The following GABRB2 variants were observed in gnomAD, a reference collection of about 807,000 sequenced individuals.
The protein encoded by GABRB2 is gamma-aminobutyric acid type A receptor subunit beta2, also known as gamma-aminobutyric acid receptor subunit beta-2.
GABRB2 carries 16 observed loss-of-function variants against 54.7 expected under a neutral mutation model. The ratio of observed to expected loss-of-function variants is 0.29; its 90% CI spans 0.20 to 0.44. The LOEUF is 0.44. Ranked by LOEUF, GABRB2 falls within the 20% of genes least tolerant of loss-of-function variation. The pLI, the probability that GABRB2 is intolerant of heterozygous loss-of-function variation, is 1.00. For missense variants in GABRB2, 355 were observed against 644.0 expected, an observed-to-expected ratio of 0.55 and a Z score of 4.86; for synonymous variants, 244 against 233.8, an observed-to-expected ratio of 1.04 and a Z score of -0.40.
In GABRB2 at chr5:161,392,805, G is replaced by T. The variant is rs546330139; in HGVS notation, c.541+18170C>A. Among the ~76,000 whole-genome samples, 3 of 152,248 alleles carry T rather than the reference G, an allele frequency of 2.0e-5. No homozygotes were observed. In the East Asian group the frequency reaches 5.8e-4, roughly 29 times the overall value. On this transcript the variant is annotated intron_variant, in intron 5 of 9. Transcript: ENST00000393959. ...TATAGATAATCATTTTGATTAGTAG[G>T]TGAAATGAAAGCTAAATTAGAGGGT...
At chr5:161,317,632 A>G (rs947241095) in intron 9 of GABRB2, among the ~76,000 whole-genome samples, 2 of 152,182 alleles carry the variant, frequency 1.3e-5, no homozygotes, top group African/African-American at 4.8e-5. Context: ...CAGAAAACAT[A>G]CAGAGTATAA....
chr5:161,449,465 T>G (rs1393304025), intron 4 of GABRB2, among the ~76,000 whole-genome samples: 1 of 152,172 alleles, frequency 6.6e-6, no homozygotes, highest in Non-Finnish European at 1.5e-5. Context: ...ACTCTGTATG[T>G]TTCCCATTTG....
At chr5:161,384,884 T>C (rs963414343) in intron 5 of GABRB2, among the ~76,000 whole-genome samples, 2 of 152,298 alleles carry the variant, frequency 1.3e-5, no homozygotes, top group Non-Finnish European at 2.9e-5. Context: ...TCTGGATGTA[T>C]GGTAGAAATG....
intron 9 of GABRB2, among the ~76,000 whole-genome samples, chr5:161,305,173 C>T (rs569045548): frequency 4.6e-5 from 7 of 151,286 alleles, no homozygotes; most frequent in Non-Finnish European, 7.4e-5. Context: ...CCCGCCACCG[C>T]GCCCGGCTAA....
chr5:161,537,456 C>A (rs890446430), intron 3 of GABRB2, among the ~76,000 whole-genome samples: 1 of 152,168 alleles, frequency 6.6e-6, no homozygotes, highest in Non-Finnish European at 1.5e-5. Context: ...CCACATGCCT[C>A]ATCCCCTTGA....
rs1757250258 is a variant in GABRB2 at position 161,291,959 on chromosome 5, T to C, written c.*2122A>G. On this transcript the variant is annotated 3_prime_UTR_variant, in exon 10 of 10. Coordinates refer to ENST00000393959, the MANE Select transcript of GABRB2 (RefSeq NM_001371727.1). ...CCCAAAATGATTGCCTAGGAGAAAG[T>C]GTGTCCTGGAGAAACATGAGGAATC... 6.6e-6 allele frequency: 1 copy of C among 152,170 alleles called. No homozygotes were observed. Among genetic ancestry groups the C allele is most frequent in the African/African-American group, 2.4e-5 (1 of 41,444 alleles). 9.4% of individuals were successfully genotyped at this position (152,170 alleles called of 1,614,324 possible). A position where few individuals can be genotyped will look rare whatever the true frequency, so the allele number is the denominator to read the frequency against.
intron 3 of GABRB2, among the ~76,000 whole-genome samples, chr5:161,544,108 G>C (rs1451892395): frequency 6.6e-6 from 1 of 152,130 alleles, no homozygotes; most frequent in Non-Finnish European, 1.5e-5. Flanking sequence ...CTGGGAATAT[G>C]GAAATTTATA....
chr5:161,542,898 C>T (rs775158060), intron 3 of GABRB2, among the ~76,000 whole-genome samples: 49 of 152,252 alleles, frequency 3.2e-4, no homozygotes, highest in Admixed American at 9.8e-4. Context: ...ATTTAGACAC[C>T]AGAGATGGAA....
chr5:161,466,253 C>T (rs778488143), intron 3 of GABRB2, among the ~76,000 whole-genome samples: 2 of 151,940 alleles, frequency 1.3e-5, no homozygotes, highest in East Asian at 1.9e-4. Context: ...CTGGAAAATT[C>T]CTGGTCATCT....
At chr5:161,444,131 C>T (rs1757545959) in intron 4 of GABRB2, among the ~76,000 whole-genome samples, 1 of 151,982 alleles carries the variant, frequency 6.6e-6, no homozygotes, top group South Asian at 2.1e-4. Flanking sequence ...TCTTTTTCCC[C>T]AGATAGTATT....
At chr5:161,480,246 T>C (rs1435665843) in intron 3 of GABRB2, among the ~76,000 whole-genome samples, 4 of 152,086 alleles carry the variant, frequency 2.6e-5, no homozygotes, top group African/African-American at 9.7e-5. Context: ...ATCACTGGTC[T>C]GTTCAATGAG....
intron 3 of GABRB2, among the ~76,000 whole-genome samples, chr5:161,520,233 C>T (rs996831681): frequency 1.3e-5 from 2 of 152,202 alleles, no homozygotes; most frequent in South Asian, 4.1e-4. Flanking sequence ...GTAGGTTAAG[C>T]GCTGTAGCTT....
At chr5:161,423,285 GAAGA>G (rs1249741336) in intron 4 of GABRB2, among the ~76,000 whole-genome samples, 5 of 152,060 alleles carry the variant, frequency 3.3e-5, no homozygotes, top group African/African-American at 7.2e-5. Context: ...CATCTTGAGA[GAAGA>G]AAGATTTCGA....
intron 5 of GABRB2, among the ~76,000 whole-genome samples, chr5:161,390,452 C>A (rs1755784630): frequency 6.6e-6 from 1 of 151,998 alleles, no homozygotes; most frequent in Non-Finnish European, 1.5e-5. Flanking sequence ...TAACTAAATG[C>A]AACACCCTAG....
intron 3 of GABRB2, among the ~76,000 whole-genome samples, chr5:161,507,623 A>G (rs1047039013): frequency 1.3e-5 from 2 of 152,060 alleles, no homozygotes; most frequent in East Asian, 3.9e-4. Context: ...GACTATACCC[A>G]CAATGTATAC....
At chr5:161,355,445 A>C (rs574870225) in intron 5 of GABRB2, among the ~76,000 whole-genome samples, 5 of 151,330 alleles carry the variant, frequency 3.3e-5, no homozygotes, top group Admixed American at 6.6e-5. Context: ...TATAACACAC[A>C]CATATATAAC....
intron 9 of GABRB2, among the ~76,000 whole-genome samples, chr5:161,298,955 A>G (rs1287952426): frequency 6.6e-6 from 1 of 152,086 alleles, no homozygotes; most frequent in Non-Finnish European, 1.5e-5. Context: ...AGAACTGGCT[A>G]TTTTTATGCT....
chr5:161,427,971 C>T (rs761065673), intron 4 of GABRB2, among the ~76,000 whole-genome samples: 5 of 152,096 alleles, frequency 3.3e-5, no homozygotes, highest in Non-Finnish European at 5.9e-5. Flanking sequence ...TGCTGTGACA[C>T]AACTGATTTT....
chr5:161,408,271 C>G (rs759127609), intron 5 of GABRB2, among the ~76,000 whole-genome samples: 10 of 152,116 alleles, frequency 6.6e-5, no homozygotes, highest in African/African-American at 2.4e-4. Flanking sequence ...ATACTACTTA[C>G]AAATATATTG....
Sources: gnomAD v4.1 joint callset for allele counts (sites outside exome capture counted in the v4.1 genomes callset) on GRCh38, gnomAD v4.1.1 for gene constraint, MANE v1.5 for transcripts, NCBI Gene and HGNC (gene_info 2026-07-23, HGNC 2026-07-21) for gene names.